Variants in ADSL observed in about 807,000 individuals in gnomAD.
ADSL encodes the protein adenylosuccinase.
ADSL carries 44 observed loss-of-function variants against 62.1 expected under a neutral mutation model. That is an observed-to-expected ratio of 0.71 (90% CI 0.56 to 0.91). ADSL has a LOEUF of 0.91. Among genes scored for constraint, ADSL ranks in the 40% least tolerant of loss-of-function variants. The pLI is 0.00. For synonymous variants in ADSL, 198 were observed against 220.5 expected (o/e 0.90, Z 0.90); for missense variants, 531 against 627.4 (o/e 0.85, Z 1.64).
intron 2 of ADSL, among the ~76,000 whole-genome samples, chr22:40,377,443 C>T (rs1197122604): frequency 6.6e-6 from 1 of 152,192 alleles, no homozygotes. Flanking sequence ...CCTTCCAATA[C>T]ATTCCTGTCT....
At position 40,364,965 on chromosome 22, in the gene ADSL, G is replaced by T; in HGVS notation, c.1277G>T (p.Arg426Leu). Residue 426 changes from arginine (R) to leucine (L), a missense_variant, in exon 12 of 13, where the codon CGT becomes CTT. Physicochemically the swap from Arg to Leu is moderately radical, Grantham distance 102. Transcript: ENST00000623063. ...QEGGDNDLIE[R>L]IQVDAYFSPI... ...GGGGGTGACAATGACCTCATAGAGC[G>T]TATCCAGGTTGATGCCTACTTCAGT... is the stretch of plus-strand genomic sequence containing the variant. 1 of 1,614,052 alleles carries T rather than the reference G, an allele frequency of 6.2e-7. No homozygotes were observed. Among genetic ancestry groups the T allele is most frequent in the Non-Finnish European group, 8.5e-7 (1 of 1,179,938 alleles).
At chr22:40,354,498 T>C (rs1378799535) in intron 4 of ADSL, among the ~76,000 whole-genome samples, 171 bp downstream of exon 4, 1 of 152,204 alleles carries the variant, frequency 6.6e-6, no homozygotes, top group Admixed American at 6.5e-5. Flanking sequence ...AGAGTAAATC[T>C]AACAGTTCAT....
At chr22:40,371,945 C>G (rs573485973), downstream of ADSL, among the ~76,000 whole-genome samples, 2 of 152,086 alleles carry the variant, frequency 1.3e-5, no homozygotes, top group African/African-American at 4.8e-5. Flanking sequence ...GTGATCCGCC[C>G]GTCTCGGGCC....
chr22:40,353,631 T>TG (rs1220015414), intron 3 of ADSL, among the ~76,000 whole-genome samples: 2 of 145,452 alleles, frequency 1.4e-5, no homozygotes, highest in East Asian at 2.0e-4. Context: ...CTTTTTTTTT[T>TG]TTTTTTTTTT....
intron 9 of ADSL, among the ~76,000 whole-genome samples, chr22:40,362,701 G>A (rs2044840053): frequency 6.6e-6 from 1 of 152,178 alleles, no homozygotes; most frequent in Admixed American, 6.5e-5. Context: ...GTAATGGTGA[G>A]TAGGAGGAAT....
intron 4 of ADSL, among the ~76,000 whole-genome samples, chr22:40,357,913 A>G (rs1569095547): frequency 6.6e-6 from 1 of 151,988 alleles, no homozygotes. Flanking sequence ...CTGGGATTAC[A>G]AACACCCGCC....
chr22:40,353,880 C>T (rs989430425), intron 3 of ADSL: 11 of 338,838 alleles, frequency 3.2e-5, no homozygotes, highest in Admixed American at 9.2e-5. Context: ...CCCGTCTTGG[C>T]CTCACAAAGT....
chr22:40,377,845 C>CA (rs35941683), intron 2 of ADSL, among the ~76,000 whole-genome samples: 936 of 61,382 alleles, frequency 0.015, 12 homozygotes, highest in Middle Eastern at 0.075. Context: ...GACCCTGTCT[C>CA]AAAAAAAAAA....
At chr22:40,382,177 A>G (rs1163049254) in intron 2 of ADSL, among the ~76,000 whole-genome samples, 1 of 152,184 alleles carries the variant, frequency 6.6e-6, no homozygotes, top group Non-Finnish European at 1.5e-5. Context: ...TGAAAAAGTA[A>G]GAGTTGAGAG....
At chr22:40,364,788 A>T in intron 11 of ADSL, 92 bp from the exon 12 acceptor site, 1 of 1,354,486 alleles carries the variant, frequency 7.4e-7, no homozygotes, top group South Asian at 1.2e-5. Context: ...AGAGCTGTGT[A>T]GACTGCATGG....
At chr22:40,380,120 A>G (rs2047316598) in intron 2 of ADSL, among the ~76,000 whole-genome samples, 2 of 152,178 alleles carry the variant, frequency 1.3e-5, no homozygotes, top group African/African-American at 4.8e-5. Flanking sequence ...TACAGAACCT[A>G]GTCCTGAGAG....
chr22:40,381,092 A>G (rs2047489240), intron 2 of ADSL, among the ~76,000 whole-genome samples: 1 of 152,184 alleles, frequency 6.6e-6, no homozygotes, highest in South Asian at 2.1e-4. Context: ...AGGTTATAGA[A>G]ACATTTTACT....
chr22:40,351,285 C>G (rs777288451), intron 2 of ADSL, among the ~76,000 whole-genome samples: 5 of 152,212 alleles, frequency 3.3e-5, no homozygotes, highest in Admixed American at 6.5e-5. Flanking sequence ...ATTCTCCTGC[C>G]TCAGCCTCCC....
intron 2 of ADSL, among the ~76,000 whole-genome samples, chr22:40,386,979 C>T (rs897566654): frequency 6.6e-6 from 1 of 152,084 alleles, no homozygotes; most frequent in Non-Finnish European, 1.5e-5. Flanking sequence ...CTGGCTGGCT[C>T]CCACTAGATA....
chr22:40,380,417 A>G (rs529624609), intron 2 of ADSL, among the ~76,000 whole-genome samples: 180 of 142,444 alleles, frequency 1.3e-3, no homozygotes, highest in Middle Eastern at 7.2e-3. Context: ...CCCAGGCTGG[A>G]GTGCAGTGGC....
At chr22:40,370,801 A>T (rs2045268768), downstream of ADSL, 1 of 152,052 alleles carries the variant, frequency 6.6e-6, no homozygotes, top group Admixed American at 6.5e-5. Flanking sequence ...GTATGGGCCG[A>T]AGGCGCCCAC....
chr22:40,374,501 G>T (rs2046209671), intron 2 of ADSL, among the ~76,000 whole-genome samples: 1 of 152,228 alleles, frequency 6.6e-6, no homozygotes, highest in African/African-American at 2.4e-5. Flanking sequence ...ATACTTGCCT[G>T]CAATGTAAGC....
At chr22:40,371,160 G>C (rs2045380096), downstream of ADSL, among the ~76,000 whole-genome samples, 1 of 152,214 alleles carries the variant, frequency 6.6e-6, no homozygotes, top group African/African-American at 2.4e-5. Context: ...ATCCAGGCCC[G>C]AGACTCGGAA....
Position 40,351,173 on chromosome 22 carries a change from T to A in ADSL, c.357+1138T>A, listed in dbSNP as rs868849780. On this transcript the variant is annotated intron_variant, in intron 2 of 12. Coordinates refer to ENST00000623063, the MANE Select transcript of ADSL (RefSeq NM_000026.4). ...CTGCACCAGGCTAATTAAAAAAAAA[T>A]TTTTTTTTTTTTTGGAGACAGAGTT... Among the ~76,000 whole-genome samples, 808 of 136,150 alleles carry A rather than the reference T, an allele frequency of 5.9e-3. 6 individuals are homozygous for A. Among genetic ancestry groups the A allele is most frequent in the African/African-American group, 0.023 (771 of 33,408 alleles). 89.3% of individuals were successfully genotyped at this position (136,150 alleles called of 152,430 possible).
Sources: allele counts gnomAD v4.1 joint callset (sites outside exome capture counted in the v4.1 genomes callset), GRCh38; gene constraint gnomAD v4.1.1; transcripts MANE v1.5; gene names NCBI Gene and HGNC (gene_info 2026-07-23, HGNC 2026-07-21).